Variants in RFX1 observed in about 807,000 individuals in gnomAD.
The protein encoded by RFX1 is MHC class II regulatory factor RFX1.
In RFX1, 42 loss-of-function variants were observed where a neutral mutation model predicts 119.6. The ratio of observed to expected loss-of-function variants is 0.35; its 90% CI spans 0.27 to 0.45. The LOEUF (loss-of-function observed/expected upper bound fraction) is 0.45. Among genes scored for constraint, RFX1 ranks in the 20% least tolerant of loss-of-function variants. The pLI, the probability that RFX1 is intolerant of heterozygous loss-of-function variation, is 1.00. For missense variants in RFX1, 1,118 were observed against 1,368.1 expected (o/e 0.82, Z 2.88); for synonymous variants, 628 against 618.5 (o/e 1.02, Z -0.23).
chr19:13,989,976 G>A (rs1224140659), intron 2 of RFX1, among the ~76,000 whole-genome samples: 2 of 152,132 alleles, frequency 1.3e-5, no homozygotes, highest in Non-Finnish European at 2.9e-5. Flanking sequence ...CCTTGAAGGA[G>A]AGATTTGAAG....
intron 8 of RFX1, among the ~76,000 whole-genome samples, chr19:13,974,212 G>A (rs1245692409): frequency 6.6e-6 from 1 of 152,128 alleles, no homozygotes; most frequent in East Asian, 1.9e-4. Flanking sequence ...GAAGGGGGTG[G>A]GGCTAGAGAA....
intron 1 of RFX1, among the ~76,000 whole-genome samples, chr19:13,996,737 T>C (rs915320514): frequency 1.9e-4 from 28 of 149,126 alleles, no homozygotes; most frequent in Non-Finnish European, 4.2e-4. Flanking sequence ...TTTTTTTTTT[T>C]TTTGAGATGG....
rs755135346 is a variant in RFX1 at position 13,962,776 on chromosome 19, G to T, written c.2859C>A (p.Gly953=). Residue 953 remains glycine, a synonymous_variant, in exon 21 of 21, where the codon GGC becomes GGA. Coordinates refer to ENST00000254325, the MANE Select transcript of RFX1 (RefSeq NM_002918.5). ...LAAGGESPAL[G]PETLEPPAKL... ...TGGCCGGCGGCTCCAGGGTCTCCGG[G>T]CCCAGCGCGGGTGACTCGCCGCCAG... 3.7e-5 allele frequency: 57 copies of T among 1,530,466 alleles called. No homozygotes were observed. In the East Asian group the frequency reaches 1.3e-3, roughly 35 times the overall value. The allele number at this position is 1,530,466 out of a possible 1,614,324, so 94.8% of individuals were successfully genotyped here.
At position 13,986,823 on chromosome 19, in the gene RFX1, A is replaced by G. The variant is rs1271167367; in HGVS notation, c.320-3228T>C. 1.3e-5 allele frequency among the ~76,000 whole-genome samples: 2 copies of G among 152,180 alleles called. No homozygotes were observed. The highest frequency in any genetic ancestry group is 4.8e-5 in the African/African-American group (2 of 41,542). On this transcript the variant is annotated intron_variant, in intron 2 of 20. Coordinates refer to ENST00000254325, the MANE Select transcript of RFX1 (RefSeq NM_002918.5). This position sits in a 1 kb window ranked among gnomAD's most constrained non-coding sequence, Gnocchi z 4.2. ...TTAAATGAGCTACTTGGGGGAGCCC[A>G]GGGGAGGCCCTAGAGGCTGGACTCC...
intron 1 of RFX1, among the ~76,000 whole-genome samples, chr19:13,996,231 G>C (rs991044819): frequency 6.6e-6 from 1 of 152,316 alleles, no homozygotes; most frequent in Admixed American, 6.5e-5. Context: ...CAGTGGGACA[G>C]AGGCACGAGT....
At position 13,962,980 on chromosome 19, in the gene RFX1, C is replaced by T; in HGVS notation, c.2770+14G>A. ...CCGGGACCCGCGCCCTGGGTGGGAA[C>T]ACGCCTCGCCTACCTTTGTCGGGGT... On this transcript the variant is annotated intron_variant, in intron 20 of 20. Transcript: ENST00000254325. 1.9e-6 allele frequency: 3 copies of T among 1,550,086 alleles called. No individual in the cohort carries two copies. Among genetic ancestry groups the T allele is most frequent in the Non-Finnish European group, 2.6e-6 (3 of 1,146,396 alleles).
At chr19:13,972,673 T>C (rs1974118693) in intron 9 of RFX1, 70 bp downstream of exon 9, 9 of 1,259,282 alleles carry the variant, frequency 7.1e-6, no homozygotes, top group South Asian at 1.4e-5. Flanking sequence ...ACCACCGTCA[T>C]GGACTGGGCT....
chr19:13,984,226 G>A (rs1056170885), intron 2 of RFX1, among the ~76,000 whole-genome samples: 6 of 52,568 alleles, frequency 1.1e-4, no homozygotes, highest in Admixed American at 1.8e-4. Flanking sequence ...CACCCCACCC[G>A]CCCCCCACCC....
chr19:13,980,375 C>G lies in RFX1; in HGVS notation c.738+198G>C, dbSNP rs777283541. Reference sequence around the variant, plus strand: ...CAGGAGGTTCAAATTTCGTCCTCCCCGCGGCTCCCCCATCCTCTAGCCCCA... The same window carrying G: ...CAGGAGGTTCAAATTTCGTCCTCCCGGCGGCTCCCCCATCCTCTAGCCCCA... On this transcript the variant is annotated intron_variant, in intron 6 of 20. Coordinates refer to ENST00000254325, the MANE Select transcript of RFX1 (RefSeq NM_002918.5). This position sits in a 1 kb window ranked among gnomAD's most constrained non-coding sequence, Gnocchi z 5.1. Among the ~76,000 whole-genome samples the G allele has an allele frequency of 6.6e-6, 1 of 152,228 alleles. No individual in the cohort carries two copies. Among genetic ancestry groups the G allele is most frequent in the Non-Finnish European group, 1.5e-5 (1 of 68,036 alleles).
rs1975125663 is a variant in RFX1 at position 13,998,980 on chromosome 19, AAGG to A, written c.-52-5088_-52-5086del. On this transcript the variant is annotated intron_variant, in intron 1 of 20. Coordinates refer to ENST00000254325, the MANE Select transcript of RFX1 (RefSeq NM_002918.5). ...TTAATTTCTAAAAGGCTGAGCTCAA[AAGG>A]AGGAGGTGGGAGATCGAGGAACAAC... Among the ~76,000 whole-genome samples, 6 of 152,308 alleles carry A rather than the reference AAGG, an allele frequency of 3.9e-5. 1 individual carries two copies. The highest frequency in any genetic ancestry group is 3.3e-4 in the Admixed American group (5 of 15,280).
At position 14,005,741 on chromosome 19, in the gene RFX1, C is replaced by T. The variant is rs1975349728; in HGVS notation, c.-53+362G>A. 2.0e-5 allele frequency among the ~76,000 whole-genome samples: 3 copies of T among 152,098 alleles called. No homozygotes were observed. The South Asian group carries it at 6.2e-4, about 32-fold the overall frequency. On this transcript the variant is annotated intron_variant, in intron 1 of 20. Transcript: ENST00000254325. ...CCAGCCGGCCCCGCCCATACCTTCC[C>T]TCCTGGTCCCGCCCACCCACCTTGG...
At position 13,993,575 on chromosome 19, in the gene RFX1, G is replaced by T; in HGVS notation, c.269C>A (p.Ala90Glu). Residue 90 changes from alanine to glutamate, a missense_variant, in exon 2 of 21, where the codon GCA (alanine) becomes GAA (glutamate). Physicochemically the swap from Ala to Glu is moderately radical, Grantham distance 107. Coordinates refer to ENST00000254325, the MANE Select transcript of RFX1 (RefSeq NM_002918.5). Reference protein sequence around the residue: ...AVPAPSQPTGAPTPSPAPQQY... With the variant: ...AVPAPSQPTGEPTPSPAPQQY... Reference sequence around the variant, plus strand: ...CTGGGGTGCAGGCGAAGGGGTGGGTGCACCGGTTGGCTGCGAGGGTGCGGG... The same window carrying T: ...CTGGGGTGCAGGCGAAGGGGTGGGTTCACCGGTTGGCTGCGAGGGTGCGGG... 6.2e-7 allele frequency: 1 copy of T among 1,612,932 alleles called. No homozygotes were observed. Among genetic ancestry groups the T allele is most frequent in the Middle Eastern group, 1.7e-4 (1 of 5,992 alleles).
At chr19:13,962,912 C>T in intron 20 of RFX1, 48 bp from the exon 21 acceptor site, 1 of 1,543,180 alleles carries the variant, frequency 6.5e-7, no homozygotes, top group South Asian at 1.2e-5. Flanking sequence ...GGCAACGCCC[C>T]CGGGCTCCTC....
intron 8 of RFX1, among the ~76,000 whole-genome samples, chr19:13,976,049 T>C (rs1002842397): frequency 1.3e-5 from 2 of 152,262 alleles, no homozygotes; most frequent in Admixed American, 6.5e-5. Context: ...GCAGGAACCC[T>C]TGGACACCGT....
At chr19:14,006,574 G>A (rs753238384), upstream of RFX1, 5 of 152,236 alleles carry the variant, frequency 3.3e-5, no homozygotes, top group Non-Finnish European at 7.3e-5. Flanking sequence ...AAAGGGGTAG[G>A]ACTCGTGAGG....
rs202109929 is a variant in RFX1, at chr19:13,966,383, C to T, written c.1961+38G>A. 2.2e-6 allele frequency: 3 copies of T among 1,368,456 alleles called. No homozygotes were observed. The highest frequency in any genetic ancestry group is 4.6e-5 in the East Asian group (2 of 43,648). 84.8% of individuals were successfully genotyped at this position (1,368,456 alleles called of 1,614,324 possible). A position where few individuals can be genotyped will look rare whatever the true frequency, so the allele number is the denominator to read the frequency against. On this transcript the variant is annotated intron_variant, in intron 14 of 20. Coordinates refer to ENST00000254325, the MANE Select transcript of RFX1 (RefSeq NM_002918.5). The surrounding 1 kb of genome is among the most constrained non-coding windows in gnomAD (Gnocchi z 6.3). Reference sequence around the variant, plus strand: ...AATCACCTGCGGGTCATGCCCTCCTCCCCCCTCTCCCTCCCACAGTCGCCG... The same window carrying T: ...AATCACCTGCGGGTCATGCCCTCCTTCCCCCTCTCCCTCCCACAGTCGCCG...
Position 13,980,758 on chromosome 19 carries a change from A to C in RFX1, c.622-69T>G. 2.8e-4 allele frequency: 55 copies of C among 193,116 alleles called. No homozygotes were observed. The highest frequency in any genetic ancestry group is 3.7e-4 in the Non-Finnish European group (49 of 132,762). 12.0% of individuals were successfully genotyped at this position (193,116 alleles called of 1,614,324 possible). ...CATCCTCTCTGAGGTGGGCTCACAC[A>C]CACACCCTTCTCAGGAGAGCTGTCT... On this transcript the variant is annotated intron_variant, in intron 5 of 20. Transcript: ENST00000254325. The surrounding 1 kb of genome is among the most constrained non-coding windows in gnomAD (Gnocchi z 5.1).
At chr19:13,996,451 C>A (rs1196557043) in intron 1 of RFX1, among the ~76,000 whole-genome samples, 1 of 152,214 alleles carries the variant, frequency 6.6e-6, no homozygotes, top group East Asian at 1.9e-4. Context: ...CAGGGTGACC[C>A]TCAAAGGAAG....
intron 8 of RFX1, among the ~76,000 whole-genome samples, chr19:13,974,411 T>C (rs1373668752): frequency 1.3e-5 from 2 of 152,048 alleles, no homozygotes; most frequent in South Asian, 2.1e-4. Flanking sequence ...GTCACAAGTA[T>C]ACAAGTATAA....
Sources: allele counts gnomAD v4.1 joint callset (sites outside exome capture counted in the v4.1 genomes callset), GRCh38; gene constraint gnomAD v4.1.1; non-coding constraint Gnocchi (gnomAD v3.1); transcripts MANE v1.5; gene names NCBI Gene and HGNC (gene_info 2026-07-23, HGNC 2026-07-21).